The following BMPER variants were observed in gnomAD, a reference collection of about 807,000 sequenced individuals.
BMPER encodes the protein BMP-binding endothelial regulator protein.
Under a neutral mutation model 87.3 loss-of-function variants are expected in BMPER, and 45 were observed. That is an observed-to-expected ratio of 0.52 (90% CI 0.41 to 0.66). BMPER has a LOEUF of 0.66. Among genes scored for constraint, BMPER ranks in the 30% least tolerant of loss-of-function variants. The pLI, the probability that BMPER is intolerant of heterozygous loss-of-function variation, is 0.00. For missense variants in BMPER, 784 were observed against 867.5 expected (o/e 0.90, Z 1.21); for synonymous variants, 326 against 316.2 (o/e 1.03, Z -0.33).
intron 13 of BMPER, among the ~76,000 whole-genome samples, chr7:34,136,452 G>A (rs1790721199): frequency 6.6e-6 from 1 of 152,144 alleles, no homozygotes; most frequent in Admixed American, 6.5e-5. Context: ...ACTCAGATTA[G>A]GGAAATTAGG....
chr7:33,945,336 C>T (rs945242533), intron 3 of BMPER, among the ~76,000 whole-genome samples: 18 of 146,782 alleles, frequency 1.2e-4, no homozygotes, highest in African/African-American at 4.0e-4. Context: ...CTGCAACCTT[C>T]GACTCCTGGA....
chr7:34,111,115 G>T (rs983272175), intron 13 of BMPER, among the ~76,000 whole-genome samples: 2 of 152,196 alleles, frequency 1.3e-5, no homozygotes, highest in Admixed American at 1.3e-4. Context: ...ACATGGTCCT[G>T]TTAACAACTT....
At chr7:34,004,208 G>A (rs531785092) in intron 6 of BMPER, among the ~76,000 whole-genome samples, 1 of 152,094 alleles carries the variant, frequency 6.6e-6, no homozygotes, top group African/African-American at 2.4e-5. Flanking sequence ...TTTCATTACA[G>A]TTATTGTATT....
intron 12 of BMPER, among the ~76,000 whole-genome samples, chr7:34,080,747 T>A (rs983646493): frequency 1.3e-5 from 2 of 152,234 alleles, no homozygotes; most frequent in Admixed American, 6.5e-5. Context: ...GATATGGAAA[T>A]TATTAGTCAA....
rs561925386 is a variant in BMPER at position 33,994,392 on chromosome 7, G to A, written c.576+19608G>A. ...GGAGTGACCCGATTTTCCAGGTGCC[G>A]TCTGTCACCCCTTTCTTTGACTCAG... On this transcript the variant is annotated intron_variant, in intron 6 of 14. Coordinates refer to ENST00000649409, the MANE Select transcript of BMPER (RefSeq NM_001365308.1). Among the ~76,000 whole-genome samples, 138 of 152,324 alleles carry A rather than the reference G, an allele frequency of 9.1e-4. 3 individuals carry two copies. The South Asian group carries it at 0.027, about 30-fold the overall frequency.
At chr7:34,029,960 T>C (rs1039568914) in intron 6 of BMPER, among the ~76,000 whole-genome samples, 1 of 152,128 alleles carries the variant, frequency 6.6e-6, no homozygotes, top group Non-Finnish European at 1.5e-5. Context: ...GTTTATAGAA[T>C]TGGAAAAGGG....
At chr7:34,121,225 T>C (rs369838770) in intron 13 of BMPER, among the ~76,000 whole-genome samples, 3 of 152,222 alleles carry the variant, frequency 2.0e-5, no homozygotes, top group East Asian at 3.9e-4. Context: ...AAAATAAATA[T>C]AGCAAAATGT....
chr7:34,037,663 C>T (rs1259733947), intron 6 of BMPER, among the ~76,000 whole-genome samples: 2 of 152,188 alleles, frequency 1.3e-5, no homozygotes, highest in Non-Finnish European at 1.5e-5. Flanking sequence ...CATAGCGCCC[C>T]TGAAAAGACC....
chr7:33,931,623 C>T (rs915512785), intron 2 of BMPER, among the ~76,000 whole-genome samples: 1 of 152,164 alleles, frequency 6.6e-6, no homozygotes, highest in African/African-American at 2.4e-5. Context: ...GGGGATACTT[C>T]AAGGAGAAGT....
intron 11 of BMPER, among the ~76,000 whole-genome samples, chr7:34,072,960 A>G (rs1861365): frequency 6.6e-6 from 1 of 151,770 alleles, no homozygotes; most frequent in Admixed American, 6.6e-5. Flanking sequence ...ACTTTTCAGA[A>G]TTTTTTTTCC....
intron 6 of BMPER, among the ~76,000 whole-genome samples, chr7:33,982,782 C>T (rs987511268): frequency 2.6e-5 from 4 of 152,204 alleles, no homozygotes; most frequent in Admixed American, 2.6e-4. Flanking sequence ...CTTGAAAATA[C>T]CACCAAAATG....
intron 6 of BMPER, among the ~76,000 whole-genome samples, chr7:34,018,203 G>C (rs751889104): frequency 5.3e-5 from 8 of 151,860 alleles, no homozygotes; most frequent in Non-Finnish European, 8.8e-5. Context: ...TGGTTTGAAG[G>C]CTCTAATTAT....
At chr7:34,008,254 T>G (rs1786787592) in intron 6 of BMPER, among the ~76,000 whole-genome samples, 1 of 152,036 alleles carries the variant, frequency 6.6e-6, no homozygotes, top group Non-Finnish European at 1.5e-5. Flanking sequence ...TTCATGTTGA[T>G]TTCCAAGGGC....
At chr7:33,980,374 T>C (rs146627607) in intron 6 of BMPER, among the ~76,000 whole-genome samples, 50 of 152,370 alleles carry the variant, frequency 3.3e-4, no homozygotes, top group African/African-American at 9.9e-4. Context: ...GATTCTTTCC[T>C]ACCACTGAAG....
chr7:34,013,806 C>T (rs1007524546), intron 6 of BMPER, among the ~76,000 whole-genome samples: 1 of 151,846 alleles, frequency 6.6e-6, no homozygotes, highest in Non-Finnish European at 1.5e-5. Context: ...CAACCTTCCC[C>T]CTATGAGTTA....
Position 34,126,162 on chromosome 7 carries a change from A to G in BMPER, c.1746-17068A>G, listed in dbSNP as rs532909307. Among the ~76,000 whole-genome samples, 9 of 152,342 alleles carry G rather than the reference A, an allele frequency of 5.9e-5. No homozygotes were observed. In the East Asian group the frequency reaches 1.7e-3, roughly 29 times the overall value. On this transcript the variant is annotated intron_variant, in intron 13 of 14. Transcript: ENST00000649409. Reference sequence around the variant, plus strand: ...GGGAATGAATGTCTCAGCAGGTACTATTGGCCTGAAATTTGAAAAGGAGAG... The same window carrying G: ...GGGAATGAATGTCTCAGCAGGTACTGTTGGCCTGAAATTTGAAAAGGAGAG...
chr7:34,122,405 C>G (rs190810984), intron 13 of BMPER, among the ~76,000 whole-genome samples: 1 of 152,124 alleles, frequency 6.6e-6, no homozygotes, highest in African/African-American at 2.4e-5. Flanking sequence ...GAATGCGGCT[C>G]AATAGGTTTT....
chr7:34,110,133 C>G (rs995899014), intron 13 of BMPER, among the ~76,000 whole-genome samples: 1 of 152,152 alleles, frequency 6.6e-6, no homozygotes, highest in Non-Finnish European at 1.5e-5. Flanking sequence ...GTGCAGTGGA[C>G]TTTGCTGGGC....
chr7:34,020,947 C>T (rs1444366724), intron 6 of BMPER, among the ~76,000 whole-genome samples: 1 of 151,610 alleles, frequency 6.6e-6, no homozygotes, highest in East Asian at 2.0e-4. Flanking sequence ...AAGAGAGAGG[C>T]TTAAAATAAA....
Sources: allele counts gnomAD v4.1 joint callset (sites outside exome capture counted in the v4.1 genomes callset), GRCh38; gene constraint gnomAD v4.1.1; transcripts MANE v1.5; gene names NCBI Gene and HGNC (gene_info 2026-07-23, HGNC 2026-07-21).